Variants in BCLAF3 observed in about 807,000 individuals in gnomAD.
The protein encoded by BCLAF3 is BCLAF1 and THRAP3 family member 3.
In BCLAF3, 24 loss-of-function variants were observed where a neutral mutation model predicts 51.2. That is an observed-to-expected ratio of 0.47 (90% CI 0.34 to 0.66). The LOEUF is 0.66. Among genes scored for constraint, BCLAF3 ranks in the 30% least tolerant of loss-of-function variants. BCLAF3 has a pLI of 0.01. For synonymous variants in BCLAF3, 152 were observed against 176.6 expected (o/e 0.86, Z 1.10); for missense variants, 465 against 525.1 (o/e 0.89, Z 1.12).
rs1569511824 is a variant in BCLAF3 at position 19,990,918 on chromosome X, AGCCCCC to A, written c.-51_-46del. On this transcript the variant is annotated 5_prime_UTR_variant, in exon 1 of 12. Coordinates refer to ENST00000379682, the MANE Select transcript of BCLAF3 (RefSeq NM_001367774.2). ...CCCCGAGCCGCTCACCCGGCCGGGA[AGCCCCC>A]GCCGCCGCCGCCGCCGCCGCCGCCG... is the stretch of plus-strand genomic sequence containing the variant. Among the ~76,000 whole-genome samples the A allele has an allele frequency of 2.7e-5, 2 of 73,950 alleles. No homozygotes were observed. Among genetic ancestry groups the A allele is most frequent in the Non-Finnish European group, 5.2e-5 (2 of 38,698 alleles). The allele number at this position is 73,950 out of a possible 115,157, so 64.2% of individuals were successfully genotyped here. A position where few individuals can be genotyped will look rare whatever the true frequency, so the allele number is the denominator to read the frequency against.
Position 19,915,047 on chromosome X carries a change from G to A in BCLAF3, c.*2258C>T, listed in dbSNP as rs2069903357. 9.1e-6 allele frequency: 1 copy of A among 109,569 alleles called. No homozygotes were observed. The highest frequency in any genetic ancestry group is 2.8e-4 in the East Asian group (1 of 3,522). The allele number at this position is 109,569 out of a possible 1,213,427, so 9.0% of individuals were successfully genotyped here. The stretch of plus-strand genomic sequence containing the variant: ...CTTTGTCTTCCCAGTACCAGCGAAG[G>A]GCCTAGCACGTAGTGGAGGAAGGTG... On this transcript the variant is annotated 3_prime_UTR_variant, in exon 12 of 12. Transcript: ENST00000379682.
At chrX:19,945,541 T>C (rs1163786677) in intron 8 of BCLAF3, among the ~76,000 whole-genome samples, 1 of 86,870 alleles carries the variant, frequency 1.2e-5, no homozygotes, top group Non-Finnish European at 2.0e-5. Flanking sequence ...CCGTGTGAGG[T>C]GTCAGTGTGC....
intron 2 of BCLAF3, among the ~76,000 whole-genome samples, chrX:19,967,117 T>C (rs2072083766): frequency 8.9e-6 from 1 of 111,941 alleles, no homozygotes; most frequent in African/African-American, 3.2e-5. Flanking sequence ...GAACATTACC[T>C]CTGACAATAA....
chrX:19,960,071 C>T (rs1371440114), intron 4 of BCLAF3, among the ~76,000 whole-genome samples: 1 of 112,156 alleles, frequency 8.9e-6, no homozygotes, highest in Non-Finnish European at 1.9e-5. Flanking sequence ...GCTGGGATTA[C>T]AGGCGTGGGC....
At chrX:19,990,717 G>A (rs1010382510) in intron 1 of BCLAF3, among the ~76,000 whole-genome samples, 191 bp downstream of exon 1, 1 of 112,669 alleles carries the variant, frequency 8.9e-6, no homozygotes, top group Non-Finnish European at 1.9e-5. Context: ...CCGGGTCGCC[G>A]CGCCCAAGGG....
intron 10 of BCLAF3, among the ~76,000 whole-genome samples, chrX:19,932,477 G>A (rs922264204): frequency 6.6e-5 from 7 of 106,860 alleles, no homozygotes; most frequent in African/African-American, 2.4e-4. Context: ...TTTATAGAAA[G>A]TTAGGATCTG....
intron 11 of BCLAF3, among the ~76,000 whole-genome samples, chrX:19,926,961 T>C (rs765201356): frequency 3.6e-5 from 4 of 111,547 alleles, no homozygotes; most frequent in African/African-American, 6.5e-5. Context: ...GTGCGGTGGC[T>C]TACACCTGTA....
intron 11 of BCLAF3, among the ~76,000 whole-genome samples, chrX:19,919,138 C>T (rs1318153611): frequency 2.7e-5 from 3 of 111,689 alleles, no homozygotes; most frequent in Non-Finnish European, 5.6e-5. Flanking sequence ...CTCACATCCT[C>T]CTGCCAAACA....
At position 19,966,215 on chromosome X, in the gene BCLAF3, A is replaced by G. The variant is rs748397026; in HGVS notation, c.476T>C (p.Ile159Thr). The change falls in exon 3 of 12, where the codon ATA (isoleucine) becomes ACA (threonine). Residue 159 changes from isoleucine (I) to threonine (T), a missense_variant. Transcript: ENST00000379682. ...TCCTTCAAATCTAAAAGAATCTGCT[A>G]TTGACCTCTGAGGTGGTTTCCCTCC... is the stretch of plus-strand genomic sequence containing the variant. Reference protein sequence around the residue: ...GKGGKPPQRSIADSFRFEGKW... With the variant: ...GKGGKPPQRSTADSFRFEGKW... The G allele has an allele frequency of 1.7e-6, 2 of 1,211,484 alleles. No homozygotes were observed. The highest frequency in any genetic ancestry group is 4.3e-5 in the Admixed American group (2 of 46,004).
Position 19,918,586 on chromosome X carries a change from G to A in BCLAF3, c.2107-1252C>T, listed in dbSNP as rs748379490. ...TTGAGATGGAGTCTCCGTTGCCCAGGCTGGAGTGCAGTGGTGCGATCTTGG... is the reference window on the plus strand; with the variant it reads ...TTGAGATGGAGTCTCCGTTGCCCAGACTGGAGTGCAGTGGTGCGATCTTGG... On this transcript the variant is annotated intron_variant, in intron 11 of 11. Coordinates refer to ENST00000379682, the MANE Select transcript of BCLAF3 (RefSeq NM_001367774.2). Among the ~76,000 whole-genome samples, 98 of 89,569 alleles carry A rather than the reference G, an allele frequency of 1.1e-3. 1 individual carries two copies. Among genetic ancestry groups the A allele is most frequent in the Middle Eastern group, 6.4e-3 (1 of 157 alleles). 77.8% of individuals were successfully genotyped at this position (89,569 alleles called of 115,157 possible).
intron 10 of BCLAF3, among the ~76,000 whole-genome samples, chrX:19,932,596 A>G (rs377429457): frequency 2.7e-4 from 28 of 103,195 alleles, no homozygotes; most frequent in Non-Finnish European, 5.3e-4. Flanking sequence ...CAGTAGTGCA[A>G]TCTGGGCTCA....
intron 8 of BCLAF3, among the ~76,000 whole-genome samples, chrX:19,945,962 G>C (rs1477655677): frequency 9.1e-6 from 1 of 109,481 alleles, no homozygotes; most frequent in Non-Finnish European, 1.9e-5. Context: ...CCAGGTGTGG[G>C]ATATAGTCTC....
At position 19,953,627 on chromosome X, in the gene BCLAF3, T is replaced by C. The variant is rs149696952; in HGVS notation, c.1565+151A>G. ...CAAAGTGCAGTGGCCAGATAATGCT[T>C]GGATTATCCTATTATTTTTGTGCAG... is the stretch of plus-strand genomic sequence containing the variant. On this transcript the variant is annotated intron_variant, in intron 6 of 11. Coordinates refer to ENST00000379682, the MANE Select transcript of BCLAF3 (RefSeq NM_001367774.2). 2.0e-3 allele frequency: 745 copies of C among 375,499 alleles called. 4 individuals are homozygous for C. Among genetic ancestry groups the C allele is most frequent in the African/African-American group, 0.017 (689 of 39,748 alleles). 30.9% of individuals were successfully genotyped at this position (375,499 alleles called of 1,213,427 possible).
At chrX:19,960,679 G>T (rs1279671273) in intron 4 of BCLAF3, among the ~76,000 whole-genome samples, 1 of 111,361 alleles carries the variant, frequency 9.0e-6, no homozygotes, top group Non-Finnish European at 1.9e-5. Flanking sequence ...GTACACTTAT[G>T]TGACTAGGTT....
intron 8 of BCLAF3, among the ~76,000 whole-genome samples, chrX:19,945,086 A>G (rs1167410562): frequency 2.7e-5 from 3 of 109,747 alleles, no homozygotes; most frequent in Non-Finnish European, 5.7e-5. Flanking sequence ...AGGCTTCTGC[A>G]TTCTTCACGT....
At chrX:19,941,090 T>C (rs1288405586) in intron 8 of BCLAF3, among the ~76,000 whole-genome samples, 3 of 110,683 alleles carry the variant, frequency 2.7e-5, no homozygotes, top group Non-Finnish European at 5.6e-5. Flanking sequence ...TGTCTATTCA[T>C]GTCCTTTGCC....
chrX:19,921,446 A>C (rs970948762), intron 11 of BCLAF3, among the ~76,000 whole-genome samples: 8 of 112,582 alleles, frequency 7.1e-5, no homozygotes, highest in African/African-American at 2.6e-4. Flanking sequence ...CTATATCATA[A>C]AAATAAAATA....
chrX:19,940,180 C>A (rs2070953217), intron 8 of BCLAF3, among the ~76,000 whole-genome samples: 1 of 112,048 alleles, frequency 8.9e-6, no homozygotes, highest in African/African-American at 3.2e-5. Context: ...ATCTATTTCC[C>A]AGCTGCCCTG....
At chrX:19,970,415 C>T in intron 1 of BCLAF3, 117 bp from the exon 2 acceptor site, 1 of 543,916 alleles carries the variant, frequency 1.8e-6, no homozygotes, top group Non-Finnish European at 3.1e-6. Flanking sequence ...TCATCTCTAA[C>T]ATGGAAATGA....
Sources: gnomAD v4.1 joint callset for allele counts (sites outside exome capture counted in the v4.1 genomes callset) on GRCh38, gnomAD v4.1.1 for gene constraint, MANE v1.5 for transcripts, NCBI Gene and HGNC (gene_info 2026-07-23, HGNC 2026-07-21) for gene names.